The following FAM227A variants were observed in gnomAD, a reference collection of about 807,000 sequenced individuals.
FAM227A encodes the protein protein FAM227A.
A neutral mutation model predicts 74.7 loss-of-function variants in FAM227A; 80 were observed. That is an observed-to-expected ratio of 1.07 (90% CI 0.89 to 1.29). The LOEUF is 1.29. Among genes scored for constraint, FAM227A ranks in the 50% most tolerant of loss-of-function variants. The probability of loss-of-function intolerance (pLI) is 0.00; values close to 1 mark genes in which losing one functional copy is unlikely to be tolerated. For synonymous variants in FAM227A, 237 were observed against 241.8 expected (o/e 0.98, Z 0.19); for missense variants, 654 against 683.4 (o/e 0.96, Z 0.48).
intron 11 of FAM227A, among the ~76,000 whole-genome samples, chr22:38,614,414 T>C (rs926770302): frequency 6.6e-6 from 1 of 152,218 alleles, no homozygotes; most frequent in African/African-American, 2.4e-5. Context: ...TAGATACTTT[T>C]GCATTTCCAC....
rs182167590 is a variant in FAM227A at position 38,582,242 on chromosome 22, C to G, written c.*3883G>C. 5.7e-4 allele frequency: 682 copies of G among 1,195,582 alleles called. No individual in the cohort carries two copies. Among genetic ancestry groups the G allele is most frequent in the Non-Finnish European group, 7.7e-4 (653 of 850,772 alleles). 74.1% of individuals were successfully genotyped at this position (1,195,582 alleles called of 1,614,324 possible). A position where few individuals can be genotyped will look rare whatever the true frequency, so the allele number is the denominator to read the frequency against. On this transcript the variant is annotated 3_prime_UTR_variant, in exon 17 of 17. Coordinates refer to ENST00000535113, the MANE Select transcript of FAM227A (RefSeq NM_001013647.2). ...TCCCTCCTATCCCCTCTCCAGCTAT[C>G]CCTCCTGTTCTTCAGGAAACTGTAT...
At chr22:38,609,449 C>T (rs980203052) in intron 11 of FAM227A, among the ~76,000 whole-genome samples, 5 of 152,146 alleles carry the variant, frequency 3.3e-5, no homozygotes, top group African/African-American at 4.8e-5. Context: ...GAGCGAAGAA[C>T]GCTGGATTCG....
intron 4 of FAM227A, among the ~76,000 whole-genome samples, chr22:38,639,236 C>T (rs2092063207): frequency 6.6e-6 from 1 of 151,926 alleles, no homozygotes; most frequent in Admixed American, 6.6e-5. Context: ...ATGGTAAAAC[C>T]CCATCTCTAC....
At chr22:38,609,970 G>A (rs1334869342) in intron 11 of FAM227A, among the ~76,000 whole-genome samples, 2 of 151,946 alleles carry the variant, frequency 1.3e-5, no homozygotes, top group Non-Finnish European at 2.9e-5. Context: ...ACAGGGTTTC[G>A]CCTTATTGGC....
chr22:38,655,171 T>C (rs2092375494), intron 1 of FAM227A, among the ~76,000 whole-genome samples: 1 of 147,940 alleles, frequency 6.8e-6, no homozygotes, highest in African/African-American at 2.5e-5. Flanking sequence ...TTTTTTAAAG[T>C]AAAGCAATAA....
chr22:38,582,259 A>G lies in FAM227A; in HGVS notation c.*3866T>C, dbSNP rs964181376. ...CCAGCTATCCCTCCTGTTCTTCAGGAAACTGTATGTTCTAAAACATACATT... is the reference window on the plus strand; with the variant it reads ...CCAGCTATCCCTCCTGTTCTTCAGGGAACTGTATGTTCTAAAACATACATT... On this transcript the variant is annotated 3_prime_UTR_variant, in exon 17 of 17. Transcript: ENST00000535113. 1 of 1,363,050 alleles carries G rather than the reference A, an allele frequency of 7.3e-7. No homozygotes were observed. Among genetic ancestry groups the G allele is most frequent in the Non-Finnish European group, 1.0e-6 (1 of 990,222 alleles). 84.4% of individuals were successfully genotyped at this position (1,363,050 alleles called of 1,614,324 possible). A position where few individuals can be genotyped will look rare whatever the true frequency, so the allele number is the denominator to read the frequency against.
chr22:38,653,610 C>T (rs577027598), intron 1 of FAM227A, among the ~76,000 whole-genome samples: 9 of 152,126 alleles, frequency 5.9e-5, no homozygotes, highest in African/African-American at 2.2e-4. Context: ...CTCCTGACCT[C>T]GTGATCTGCC....
chr22:38,631,111 T>C (rs902297662), intron 6 of FAM227A, among the ~76,000 whole-genome samples: 1 of 152,038 alleles, frequency 6.6e-6, no homozygotes, highest in Non-Finnish European at 1.5e-5. Flanking sequence ...GAGGTTGCAG[T>C]GAGCCGAGAT....
At chr22:38,650,472 T>C (rs916261079) in intron 1 of FAM227A, among the ~76,000 whole-genome samples, 5 of 152,146 alleles carry the variant, frequency 3.3e-5, no homozygotes, top group African/African-American at 1.2e-4. Flanking sequence ...ACTCTCCCTC[T>C]GCCCCTCCCC....
At chr22:38,613,280 CATATATAATATATATCATATATA>C (rs2091481831) in intron 11 of FAM227A, among the ~76,000 whole-genome samples, 1 of 56,042 alleles carries the variant, frequency 1.8e-5, no homozygotes, top group Non-Finnish European at 3.1e-5. Flanking sequence ...TATTATATAT[CATATATAATATATATCATATATA>C]ATATATAACA....
Position 38,623,277 on chromosome 22 carries a change from T to C in FAM227A, c.853A>G (p.Thr285Ala). The C allele has an allele frequency of 1.3e-6, 2 of 1,549,800 alleles. No individual in the cohort carries two copies. Among genetic ancestry groups the C allele is most frequent in the African/African-American group, 1.4e-5 (1 of 73,104 alleles). ...TCATAGCTCTGTGGGCTAGGATAGG[T>C]GCCTAAGGGAGGAGTCAAGAGTGAG... ...CNTMSLWISG[T>A]YPSPQSYDSW... Residue 285 changes from threonine (T) to alanine (A), a missense_variant and splice_region_variant, in exon 10 of 17, where the codon ACC (threonine) becomes GCC (alanine). Physicochemically the swap from Thr to Ala is moderately conservative, Grantham distance 58. Transcript: ENST00000535113.
At chr22:38,588,927 C>CAA (rs781041691) in intron 16 of FAM227A, among the ~76,000 whole-genome samples, 36 of 61,432 alleles carry the variant, frequency 5.9e-4, no homozygotes, top group Non-Finnish European at 8.2e-4. Context: ...GACTCCATCT[C>CAA]AAAAAAAAAA....
chr22:38,610,341 T>C (rs2091385663), intron 11 of FAM227A, among the ~76,000 whole-genome samples: 1 of 152,260 alleles, frequency 6.6e-6, no homozygotes, highest in South Asian at 2.1e-4. Flanking sequence ...CAAGGCTCAT[T>C]CTTAACAGGC....
intron 1 of FAM227A, among the ~76,000 whole-genome samples, chr22:38,652,750 T>G (rs5757206): frequency 0.31 from 44,399 of 143,552 alleles, 6,603 homozygotes; most frequent in East Asian, 0.38. Context: ...GGTGGCGGGC[T>G]CCTGTAGTCC....
chr22:38,629,443 T>C (rs1034915708), intron 6 of FAM227A, among the ~76,000 whole-genome samples: 1 of 152,238 alleles, frequency 6.6e-6, no homozygotes, highest in Non-Finnish European at 1.5e-5. Context: ...CCCACTATAA[T>C]AATATAACAT....
At chr22:38,598,250 T>G (rs182696642) in intron 14 of FAM227A, among the ~76,000 whole-genome samples, 1 of 152,302 alleles carries the variant, frequency 6.6e-6, no homozygotes, top group Admixed American at 6.5e-5. Context: ...TGGTAGTTAT[T>G]TATGTAGTAT....
At chr22:38,616,666 CAAA>C (rs1034004176) in intron 11 of FAM227A, among the ~76,000 whole-genome samples, 1 of 111,988 alleles carries the variant, frequency 8.9e-6, no homozygotes, top group African/African-American at 3.3e-5. Context: ...AACTCCATCT[CAAA>C]AAAAAAAAAA....
rs2092053793 is a variant in FAM227A, at chr22:38,638,765, C to G, written c.353G>C (p.Arg118Thr). 2.6e-6 allele frequency: 4 copies of G among 1,549,228 alleles called. No homozygotes were observed. The highest frequency in any genetic ancestry group is 3.5e-6 in the Non-Finnish European group (4 of 1,146,048). Reference sequence around the variant, plus strand: ...CCTTACCCTTTTTATAACAGAAGATCTGGCATGTCTGAGTTCGGAGCCTTT... The same window carrying G: ...CCTTACCCTTTTTATAACAGAAGATGTGGCATGTCTGAGTTCGGAGCCTTT... ...SCKGSELRHARSSVIKRKTAD... is the reference protein window; with the variant it reads ...SCKGSELRHATSSVIKRKTAD... The change falls in exon 5 of 17, where the codon AGA becomes ACA. Residue 118 changes from arginine (R) to threonine (T), a missense_variant. Arg to Thr is a moderately conservative substitution (Grantham distance 71). Transcript: ENST00000535113.
At chr22:38,612,971 TTCC>T (rs942091054) in intron 11 of FAM227A, among the ~76,000 whole-genome samples, 1 of 145,536 alleles carries the variant, frequency 6.9e-6, no homozygotes, top group Non-Finnish European at 1.5e-5. Context: ...TTGGTGATGA[TTCC>T]TCCTTACAGA....
Sources: allele counts gnomAD v4.1 joint callset (sites outside exome capture counted in the v4.1 genomes callset), GRCh38; gene constraint gnomAD v4.1.1; transcripts MANE v1.5; gene names NCBI Gene and HGNC (gene_info 2026-07-23, HGNC 2026-07-21).